OTOA: variants seen among roughly 807,000 people sequenced by gnomAD.
OTOA encodes the protein cancer/testis antigen 108.
In OTOA, 70 loss-of-function variants were observed where a neutral mutation model predicts 110.8. The ratio of observed to expected loss-of-function variants is 0.63; its 90% CI spans 0.52 to 0.77. The LOEUF is 0.77. Ranked by LOEUF, OTOA falls within the 30% of genes least tolerant of loss-of-function variation. OTOA has a pLI of 0.00. For synonymous variants in OTOA, 373 were observed against 431.5 expected (o/e 0.86, Z 1.68); for missense variants, 917 against 1,075.8 (o/e 0.85, Z 2.06).
chr16:21,674,048 C>A (rs1199445080), intron 1 of OTOA, among the ~76,000 whole-genome samples: 1 of 152,180 alleles, frequency 6.6e-6, no homozygotes, highest in Non-Finnish European at 1.5e-5. Context: ...CCACCCGCCT[C>A]AGCCTCCCAA....
At chr16:21,734,464 C>T (rs1375322389) in intron 21 of OTOA, among the ~76,000 whole-genome samples, 4 of 151,216 alleles carry the variant, frequency 2.6e-5, no homozygotes, top group Non-Finnish European at 4.4e-5. Context: ...GTACAACAAA[C>T]CTCCATGACA....
chr16:21,664,950 C>T lies in OTOA; in HGVS notation c.-5+718C>T, dbSNP rs534610248. ...TCAGGCCACTGCCCTCCATTCTGGGCGACACAGGGAGACTCTGTCTCATGA... is the reference window on the plus strand; with the variant it reads ...TCAGGCCACTGCCCTCCATTCTGGGTGACACAGGGAGACTCTGTCTCATGA... On this transcript the variant is annotated intron_variant, in intron 1 of 28. Transcript: ENST00000646100. Among the ~76,000 whole-genome samples, 13 of 150,256 alleles carry T rather than the reference C, an allele frequency of 8.7e-5. 1 individual carries two copies. The highest frequency in any genetic ancestry group is 2.2e-4 in the African/African-American group (9 of 40,648).
chr16:21,691,192 C>T (rs1897822854), intron 8 of OTOA, among the ~76,000 whole-genome samples: 2 of 152,102 alleles, frequency 1.3e-5, no homozygotes, highest in African/African-American at 2.4e-5. Context: ...ATATGTGTCA[C>T]ATTTTCTTAA....
chr16:21,701,481 G>A (rs1183609097), intron 11 of OTOA, among the ~76,000 whole-genome samples: 2 of 152,164 alleles, frequency 1.3e-5, no homozygotes, highest in African/African-American at 4.8e-5. Flanking sequence ...AGAATTTAGT[G>A]ACTGTAATGT....
intron 13 of OTOA, among the ~76,000 whole-genome samples, chr16:21,712,134 C>T (rs1898376355): frequency 6.6e-6 from 1 of 151,788 alleles, no homozygotes; most frequent in Admixed American, 6.6e-5. Flanking sequence ...TTGAGACCAG[C>T]TGGACAACAT....
Position 21,667,751 on chromosome 16 carries a change from G to A in OTOA, c.-5+3519G>A, listed in dbSNP as rs531314383. On this transcript the variant is annotated intron_variant, in intron 1 of 28. Coordinates refer to ENST00000646100, the MANE Select transcript of OTOA (RefSeq NM_144672.4). ...AACTCTGCTATGGTAGCAGGAAGCT[G>A]CCATGGACAATAGGCCAATGAATGG... 2.6e-5 allele frequency among the ~76,000 whole-genome samples: 4 copies of A among 152,294 alleles called. No homozygotes were observed. The South Asian group carries it at 6.2e-4, about 24-fold the overall frequency.
chr16:21,756,180 C>A (rs1899980472), intron 27 of OTOA, among the ~76,000 whole-genome samples: 2 of 151,440 alleles, frequency 1.3e-5, no homozygotes, highest in Non-Finnish European at 2.9e-5. Context: ...TATTCCAGTC[C>A]CATTGGAACG....
At chr16:21,699,478 A>C (rs1352063408) in intron 10 of OTOA, among the ~76,000 whole-genome samples, 1 of 151,986 alleles carries the variant, frequency 6.6e-6, no homozygotes, top group African/African-American at 2.4e-5. Flanking sequence ...TCTACAAAAA[A>C]ATTTAAAAAT....
At chr16:21,726,451 GC>G in intron 18 of OTOA, 71 bp from the exon 19 acceptor site, 1 of 1,589,760 alleles carries the variant, frequency 6.3e-7, no homozygotes, top group South Asian at 1.1e-5. Context: ...TCTTGGGCAG[GC>G]GGACCCTGAT....
At chr16:21,669,338 G>T (rs370975151) in intron 1 of OTOA, among the ~76,000 whole-genome samples, 1 of 151,914 alleles carries the variant, frequency 6.6e-6, no homozygotes, top group African/African-American at 2.4e-5. Flanking sequence ...GTGAGACTCT[G>T]TCCCCCACCC....
chr16:21,714,409 CT>C (rs1898476153), intron 13 of OTOA, among the ~76,000 whole-genome samples: 1 of 140,578 alleles, frequency 7.1e-6, no homozygotes, highest in Admixed American at 7.3e-5. Flanking sequence ...CTCTTTCTTT[CT>C]CTTTCTTTCT....
At chr16:21,694,134 C>T (rs1417314144) in intron 9 of OTOA, among the ~76,000 whole-genome samples, 1 of 151,988 alleles carries the variant, frequency 6.6e-6, no homozygotes, top group Admixed American at 6.6e-5. Flanking sequence ...ATTTTCCTTT[C>T]AGCTATTAAA....
chr16:21,696,752 T>A (rs891721137), intron 9 of OTOA, among the ~76,000 whole-genome samples: 1 of 151,962 alleles, frequency 6.6e-6, no homozygotes, highest in African/African-American at 2.4e-5. Flanking sequence ...GAGACGGGAT[T>A]TCGTGATTAC....
At chr16:21,759,043 T>G (rs1181770388) in intron 28 of OTOA, among the ~76,000 whole-genome samples, 2 of 152,120 alleles carry the variant, frequency 1.3e-5, no homozygotes, top group Non-Finnish European at 2.9e-5. Context: ...CATTGAAATA[T>G]GATATGCATA....
intron 9 of OTOA, among the ~76,000 whole-genome samples, chr16:21,696,927 C>G: frequency 6.7e-6 from 1 of 149,392 alleles, no homozygotes; most frequent in East Asian, 2.0e-4. Flanking sequence ...GAGACAGGGT[C>G]TCACTCTGTT....
At chr16:21,714,300 T>TTCCTTCCTTC (rs1898455390) in intron 13 of OTOA, among the ~76,000 whole-genome samples, 37 of 100,438 alleles carry the variant, frequency 3.7e-4, no homozygotes, top group African/African-American at 1.1e-3. Flanking sequence ...TCTTTTCCTT[T>TTCCTTCCTTC]CTTCCTTCCT....
intron 22 of OTOA, among the ~76,000 whole-genome samples, chr16:21,736,628 C>G (rs1855512882): frequency 6.6e-6 from 1 of 152,150 alleles, no homozygotes; most frequent in African/African-American, 2.4e-5. Flanking sequence ...GTCAGGAGTT[C>G]GAGACCAGCC....
rs1472493254 is a variant in OTOA, at chr16:21,665,013, T to TAAATAAAC, written c.-5+784_-5+785insTAAACAAA. On this transcript the variant is annotated intron_variant, in intron 1 of 28. Transcript: ENST00000646100. ...ATAAATAAATAAATAAATAAATAAA[T>TAAATAAAC]AAACAAATAAAGTTGATAGTTTTTT... Among the ~76,000 whole-genome samples, 208 of 151,566 alleles carry TAAATAAAC rather than the reference T, an allele frequency of 1.4e-3. 1 individual carries two copies. The highest frequency in any genetic ancestry group is 4.1e-3 in the African/African-American group (169 of 41,114).
rs1414917428 is a variant in OTOA, at chr16:21,678,495, C to G, written c.-4-16C>G. 1.9e-6 allele frequency: 3 copies of G among 1,581,312 alleles called. No homozygotes were observed. The African/African-American group carries it at 4.1e-5, about 21-fold the overall frequency. ...TAAAAAAACATGAATCACTTCTATGCTTAAATTAACTACAGGAGAATGTCT... is the reference window on the plus strand; with the variant it reads ...TAAAAAAACATGAATCACTTCTATGGTTAAATTAACTACAGGAGAATGTCT... On this transcript the variant is annotated splice_polypyrimidine_tract_variant and intron_variant, in intron 1 of 28. Coordinates refer to ENST00000646100, the MANE Select transcript of OTOA (RefSeq NM_144672.4).
Sources: gnomAD v4.1 joint callset for allele counts (sites outside exome capture counted in the v4.1 genomes callset) on GRCh38, gnomAD v4.1.1 for gene constraint, MANE v1.5 for transcripts, NCBI Gene and HGNC (gene_info 2026-07-23, HGNC 2026-07-21) for gene names.